Variants in PCDHGC4 observed in about 807,000 individuals in gnomAD.
PCDHGC4 encodes the protein protocadherin gamma subfamily C, 4, also known as protocadherin gamma-C4.
Under a neutral mutation model 59.7 loss-of-function variants are expected in PCDHGC4, and 15 were observed. The observed-to-expected ratio is 0.25, with a 90% CI of 0.17 to 0.39. The LOEUF is 0.39. Ranked by LOEUF, PCDHGC4 falls within the 10% of genes least tolerant of loss-of-function variation. The probability of loss-of-function intolerance (pLI) is 1.00; values close to 1 mark genes in which losing one functional copy is unlikely to be tolerated. For synonymous variants in PCDHGC4, 434 were observed against 481.4 expected (o/e 0.90, Z 1.29); for missense variants, 1,016 against 1,189.5 (o/e 0.85, Z 2.15).
At chr5:141,494,195 C>T in intron 1 of PCDHGC4, among the ~76,000 whole-genome samples, 1 of 152,188 alleles carries the variant, frequency 6.6e-6, no homozygotes, top group Non-Finnish European at 1.5e-5. Flanking sequence ...GACTTGGATG[C>T]CCCGCAAAGG....
rs1021096537 is a variant in PCDHGC4, at chr5:141,511,383, T to C, written c.*210T>C. 2 of 1,155,330 alleles carry C rather than the reference T, an allele frequency of 1.7e-6. No homozygotes were observed. Among genetic ancestry groups the C allele is most frequent in the Non-Finnish European group, 2.4e-6 (2 of 841,000 alleles). The allele number at this position is 1,155,330 out of a possible 1,614,324, so 71.6% of individuals were successfully genotyped here. ...GTTGAATATGCAAAAGCAGTTCCGC[T>C]GGGAACCCCCATCCAATCAACTGCT... is the stretch of plus-strand genomic sequence containing the variant. On this transcript the variant is annotated 3_prime_UTR_variant, in exon 4 of 4. Transcript: ENST00000306593.
chr5:141,510,420 G>T (rs1275392355), intron 3 of PCDHGC4, among the ~76,000 whole-genome samples: 3 of 152,126 alleles, frequency 2.0e-5, no homozygotes, highest in African/African-American at 7.2e-5. Flanking sequence ...TAAAGCCATG[G>T]TTTCATGGCT....
At position 141,511,855 on chromosome 5, in the gene PCDHGC4, ATTGT is replaced by A. The variant is rs2099883980; in HGVS notation, c.*686_*689del. ...GGACCAGTCTTCTGTTTTGTTTTTCATTGTTTGACGTTTCCACTGCATGCCTTGA... is the reference window on the plus strand; with the variant it reads ...GGACCAGTCTTCTGTTTTGTTTTTCATTGACGTTTCCACTGCATGCCTTGA... On this transcript the variant is annotated 3_prime_UTR_variant, in exon 4 of 4. Coordinates refer to ENST00000306593, the MANE Select transcript of PCDHGC4 (RefSeq NM_018928.3). 1 of 156,316 alleles carries A rather than the reference ATTGT, an allele frequency of 6.4e-6. No individual in the cohort carries two copies. Among genetic ancestry groups the A allele is most frequent in the South Asian group, 2.0e-4 (1 of 5,082 alleles). The allele number at this position is 156,316 out of a possible 1,614,324, so 9.7% of individuals were successfully genotyped here.
chr5:141,509,346 G>A (rs946395640), intron 3 of PCDHGC4, among the ~76,000 whole-genome samples: 7 of 152,194 alleles, frequency 4.6e-5, no homozygotes, highest in Non-Finnish European at 8.8e-5. Flanking sequence ...GCCTGGGCTG[G>A]CCTGGGCATC....
intron 2 of PCDHGC4, 30 bp from the exon 3 acceptor site, chr5:141,505,361 AGT>A: frequency 6.2e-7 from 1 of 1,613,910 alleles, no homozygotes; most frequent in Non-Finnish European, 8.5e-7. Context: ...CCGGCCTGGG[AGT>A]CTGTGCTCAC....
rs774630488 is a variant in PCDHGC4 at position 141,490,640 on chromosome 5, G to A, written c.2442+3025G>A. On this transcript the variant is annotated intron_variant, in intron 1 of 3. Transcript: ENST00000306593. The surrounding 1 kb of genome is among the most constrained non-coding windows in gnomAD (Gnocchi z 5.4). Reference sequence around the variant, plus strand: ...TACACTGCTTACATCCTAGAAAACCGGCCTCCGGGCTCCCTTCTTTGCACT... The same window carrying A: ...TACACTGCTTACATCCTAGAAAACCAGCCTCCGGGCTCCCTTCTTTGCACT... 2.6e-5 allele frequency: 42 copies of A among 1,614,004 alleles called. No individual in the cohort carries two copies. The highest frequency in any genetic ancestry group is 1.6e-4 in the Middle Eastern group (1 of 6,084).
chr5:141,494,688 A>T (rs2099756168), intron 1 of PCDHGC4, 119 bp from the exon 2 acceptor site: 1 of 1,576,254 alleles, frequency 6.3e-7, no homozygotes, highest in Non-Finnish European at 8.6e-7. Context: ...GCCCCCTCTT[A>T]GTCCGTTTTC....
intron 2 of PCDHGC4, among the ~76,000 whole-genome samples, chr5:141,505,122 A>G (rs2099843899): frequency 6.6e-6 from 1 of 152,194 alleles, no homozygotes; most frequent in Non-Finnish European, 1.5e-5. Context: ...AGATCGCGCC[A>G]CTGCACTCCA....
chr5:141,502,446 C>T (rs541278139), intron 2 of PCDHGC4, among the ~76,000 whole-genome samples: 1 of 152,098 alleles, frequency 6.6e-6, no homozygotes, highest in South Asian at 2.1e-4. Context: ...ATTCAGATTA[C>T]ACACCTTGGT....
At position 141,489,074 on chromosome 5, in the gene PCDHGC4, C is replaced by A; in HGVS notation, c.2442+1459C>A. On this transcript the variant is annotated intron_variant, in intron 1 of 3. Coordinates refer to ENST00000306593, the MANE Select transcript of PCDHGC4 (RefSeq NM_018928.3). The surrounding 1 kb of genome is among the most constrained non-coding windows in gnomAD (Gnocchi z 4.5). ...TTCAGCTCCCCTCCCCCCTGCCCAC[C>A]CCCGCCACTCGGTGACTAAGAACTG... 9.4e-6 allele frequency: 3 copies of A among 320,798 alleles called. No individual in the cohort carries two copies. The highest frequency in any genetic ancestry group is 1.7e-5 in the Non-Finnish European group (3 of 177,744). 19.9% of individuals were successfully genotyped at this position (320,798 alleles called of 1,614,324 possible). A position where few individuals can be genotyped will look rare whatever the true frequency, so the allele number is the denominator to read the frequency against.
Position 141,491,349 on chromosome 5 carries a change from C to G in PCDHGC4, c.2443-3458C>G. 6.2e-7 allele frequency: 1 copy of G among 1,614,168 alleles called. No individual in the cohort carries two copies. Among genetic ancestry groups the G allele is most frequent in the Non-Finnish European group, 8.5e-7 (1 of 1,180,016 alleles). ...TTGTGGCTCTAGCGACCGTCAGTCT[C>G]TTATCCCTAGTCACCTTCACCTTTC... is the stretch of plus-strand genomic sequence containing the variant. On this transcript the variant is annotated intron_variant, in intron 1 of 3. Transcript: ENST00000306593. The surrounding 1 kb of genome is among the most constrained non-coding windows in gnomAD (Gnocchi z 6.9).
intron 1 of PCDHGC4, among the ~76,000 whole-genome samples, chr5:141,492,808 A>C (rs1261752522): frequency 6.6e-6 from 1 of 152,252 alleles, no homozygotes; most frequent in African/African-American, 2.4e-5. Flanking sequence ...CTGGGACTCC[A>C]GTGGCACCAG....
chr5:141,489,951 T>C lies in PCDHGC4; in HGVS notation c.2442+2336T>C. On this transcript the variant is annotated intron_variant, in intron 1 of 3. Coordinates refer to ENST00000306593, the MANE Select transcript of PCDHGC4 (RefSeq NM_018928.3). The surrounding 1 kb of genome is among the most constrained non-coding windows in gnomAD (Gnocchi z 4.5). ...CTGTCATCGTGCTGGACATCAATGATAATGCTCCAACCTTCCAATCCTCAG... is the reference window on the plus strand; with the variant it reads ...CTGTCATCGTGCTGGACATCAATGACAATGCTCCAACCTTCCAATCCTCAG... 6.2e-7 allele frequency: 1 copy of C among 1,614,210 alleles called. No homozygotes were observed. Among genetic ancestry groups the C allele is most frequent in the Non-Finnish European group, 8.5e-7 (1 of 1,180,032 alleles).
chr5:141,494,251 G>C (rs961451413), intron 1 of PCDHGC4, among the ~76,000 whole-genome samples: 2 of 152,214 alleles, frequency 1.3e-5, no homozygotes, highest in African/African-American at 4.8e-5. Context: ...TTAGCTGTGG[G>C]AAGAGATTCT....
rs1467125550 is a variant in PCDHGC4 at position 141,511,799 on chromosome 5, T to G, written c.*626T>G. 6.4e-6 allele frequency: 1 copy of G among 157,228 alleles called. No homozygotes were observed. The highest frequency in any genetic ancestry group is 1.4e-5 in the Non-Finnish European group (1 of 70,874). 9.7% of individuals were successfully genotyped at this position (157,228 alleles called of 1,614,324 possible). ...TGCTTGCTGGATTTAGGGAGGGCAT[T>G]TTGCTACCAAGCCTCTTCCCAACGC... On this transcript the variant is annotated 3_prime_UTR_variant, in exon 4 of 4. Coordinates refer to ENST00000306593, the MANE Select transcript of PCDHGC4 (RefSeq NM_018928.3).
In PCDHGC4 at chr5:141,485,037, C is replaced by T. The variant is rs2099605532; in HGVS notation, c.-137C>T. 1.0e-5 allele frequency: 7 copies of T among 702,746 alleles called. No individual in the cohort carries two copies. Among genetic ancestry groups the T allele is most frequent in the Non-Finnish European group, 1.5e-5 (6 of 402,836 alleles). 43.5% of individuals were successfully genotyped at this position (702,746 alleles called of 1,614,324 possible). A position where few individuals can be genotyped will look rare whatever the true frequency, so the allele number is the denominator to read the frequency against. ...GCCACCAGCAAAAACGGCGCGTAAC[C>T]CTTGCGGCGCCGGCCGAACCGCGCC... is the stretch of plus-strand genomic sequence containing the variant. On this transcript the variant is annotated 5_prime_UTR_variant, in exon 1 of 4. Transcript: ENST00000306593. The surrounding 1 kb of genome is among the most constrained non-coding windows in gnomAD (Gnocchi z 5.7).
rs888836155 is a variant in PCDHGC4, at chr5:141,512,011, A to C, written c.*838A>C. The C allele has an allele frequency of 1.3e-5, 2 of 152,946 alleles. No homozygotes were observed. The highest frequency in any genetic ancestry group is 6.5e-5 in the Admixed American group (1 of 15,300). The allele number at this position is 152,946 out of a possible 1,614,324, so 9.5% of individuals were successfully genotyped here. ...GGCATGGACAAAGCTTGACACATCA[A>C]GTTATCAAGGCCTTGGAGGAGGCTC... On this transcript the variant is annotated 3_prime_UTR_variant, in exon 4 of 4. Coordinates refer to ENST00000306593, the MANE Select transcript of PCDHGC4 (RefSeq NM_018928.3).
chr5:141,489,061 C>A lies in PCDHGC4; in HGVS notation c.2442+1446C>A. On this transcript the variant is annotated intron_variant, in intron 1 of 3. Coordinates refer to ENST00000306593, the MANE Select transcript of PCDHGC4 (RefSeq NM_018928.3). This position sits in a 1 kb window ranked among gnomAD's most constrained non-coding sequence, Gnocchi z 4.5. ...AGCTCCACTCAAATTCAGCTCCCCT[C>A]CCCCCTGCCCACCCCCGCCACTCGG... 5 of 347,080 alleles carry A rather than the reference C, an allele frequency of 1.4e-5. No individual in the cohort carries two copies. The highest frequency in any genetic ancestry group is 2.2e-5 in the African/African-American group (1 of 46,422). 21.5% of individuals were successfully genotyped at this position (347,080 alleles called of 1,614,324 possible). A position where few individuals can be genotyped will look rare whatever the true frequency, so the allele number is the denominator to read the frequency against.
In PCDHGC4 at chr5:141,490,175, A is replaced by C; in HGVS notation, c.2442+2560A>C. The C allele has an allele frequency of 1.9e-6, 3 of 1,614,194 alleles. No homozygotes were observed. Among genetic ancestry groups the C allele is most frequent in the East Asian group, 4.5e-5 (2 of 44,884 alleles). On this transcript the variant is annotated intron_variant, in intron 1 of 3. Coordinates refer to ENST00000306593, the MANE Select transcript of PCDHGC4 (RefSeq NM_018928.3). This position sits in a 1 kb window ranked among gnomAD's most constrained non-coding sequence, Gnocchi z 5.4. ...GTGTTGGGTCCCATAGACTTTGAGG[A>C]GTCACGTTTCTATGAAATTCATGCA...
Sources: gnomAD v4.1 joint callset for allele counts (sites outside exome capture counted in the v4.1 genomes callset) on GRCh38, gnomAD v4.1.1 for gene constraint, Gnocchi (gnomAD v3.1) non-coding constraint, MANE v1.5 for transcripts, NCBI Gene and HGNC (gene_info 2026-07-23, HGNC 2026-07-21) for gene names.